Variants in MYO1B observed in about 807,000 individuals in gnomAD.
MYO1B encodes the protein myosin IB.
Under a neutral mutation model 159.7 loss-of-function variants are expected in MYO1B, and 72 were observed. The ratio of observed to expected loss-of-function variants is 0.45; its 90% confidence interval spans 0.37 to 0.55. The LOEUF is 0.55. MYO1B is among the 20% of genes least tolerant of loss of function. The pLI is 0.00. For missense variants in MYO1B, 1,062 were observed against 1,364.8 expected, an observed-to-expected ratio of 0.78 and a Z score of 3.50; for synonymous variants, 468 against 473.8, an observed-to-expected ratio of 0.99 and a Z score of 0.16.
chr2:191,389,472 G>A (rs1018194689), intron 17 of MYO1B, among the ~76,000 whole-genome samples: 4 of 152,178 alleles, frequency 2.6e-5, no homozygotes, highest in African/African-American at 9.7e-5. Context: ...CGTGTTCCTC[G>A]TCTGCATGGA....
chr2:191,324,979 C>T (rs909981467), intron 3 of MYO1B, among the ~76,000 whole-genome samples: 6 of 152,090 alleles, frequency 3.9e-5, no homozygotes, highest in Non-Finnish European at 8.8e-5. Flanking sequence ...GGAAGGCCAA[C>T]GTAGTGCCTC....
chr2:191,414,698 T>A, intron 29 of MYO1B, 29 bp downstream of exon 29: 2 of 1,585,442 alleles, frequency 1.3e-6, no homozygotes, highest in Admixed American at 3.7e-5. Context: ...ATTTCTGTGC[T>A]TAATCTCTCA....
intron 4 of MYO1B, among the ~76,000 whole-genome samples, chr2:191,340,641 A>G (rs1202896053): frequency 1.3e-5 from 2 of 152,160 alleles, no homozygotes; most frequent in African/African-American, 4.8e-5. Flanking sequence ...TTTGTTATTA[A>G]ATCCTTACAT....
chr2:191,343,328 G>A (rs542645263), intron 5 of MYO1B, among the ~76,000 whole-genome samples: 3 of 152,236 alleles, frequency 2.0e-5, no homozygotes, highest in South Asian at 2.1e-4. Context: ...CCCTGTTGTC[G>A]TTTGTACTCA....
Position 191,276,971 on chromosome 2 carries a change from C to G in MYO1B, c.76C>G (p.Leu26Val), listed in dbSNP as rs1234104290. The change falls in exon 2 of 31, where the codon CTC becomes GTC. Residue 26 changes from leucine to valine, a missense_variant. Around this residue, in one of 5 missense-constraint regions of MYO1B, gnomAD observed 415 missense variants for 544.0 expected, o/e 0.76. Transcript: ENST00000392318. ...TGGGGATATGGTTCTTTTAGAACCT[C>G]TCAATGAGGAGACCTTCATCAACAA... is the stretch of plus-strand genomic sequence containing the variant. ...GVGDMVLLEP[L>V]NEETFINNLK... 6.2e-7 allele frequency: 1 copy of G among 1,614,018 alleles called. No homozygotes were observed. Among genetic ancestry groups the G allele is most frequent in the South Asian group, 1.1e-5 (1 of 91,046 alleles).
At chr2:191,303,479 T>A (rs1689459219) in intron 3 of MYO1B, among the ~76,000 whole-genome samples, 1 of 152,214 alleles carries the variant, frequency 6.6e-6, no homozygotes. Context: ...TCTTTTTATT[T>A]ATTACTGTAG....
At position 191,424,232 on chromosome 2, in the gene MYO1B, T is replaced by G; in HGVS notation, c.*272T>G. The G allele has an allele frequency of 2.5e-6, 1 of 407,314 alleles. No individual in the cohort carries two copies. Among genetic ancestry groups the G allele is most frequent in the Non-Finnish European group, 4.4e-6 (1 of 228,146 alleles). The allele number at this position is 407,314 out of a possible 1,614,324, so 25.2% of individuals were successfully genotyped here. On this transcript the variant is annotated 3_prime_UTR_variant, in exon 31 of 31. Transcript: ENST00000392318. ...CTTTAGTCATCATGTTAGGTCTGTG[T>G]ACCCTAAATCAGCATATTACTCATA...
At position 191,296,159 on chromosome 2, in the gene MYO1B, C is replaced by T. The variant is rs756287391; in HGVS notation, c.184C>T (p.Pro62Ser). The T allele has an allele frequency of 5.0e-6, 8 of 1,609,956 alleles. No homozygotes were observed. The Admixed American group carries it at 1.0e-4, about 20-fold the overall frequency. ...ATCTGTTAACCCATACCGGTCTTTA[C>T]CCATTTATTCACCAGAGAAAGTGGA... ...VISVNPYRSL[P>S]IYSPEKVEEY... Residue 62 changes from proline (P) to serine (S), a missense_variant, in exon 3 of 31, where the codon CCC becomes TCC. Pro to Ser is a moderately conservative substitution (Grantham distance 74). Transcript: ENST00000392318.
chr2:191,408,993 T>A, intron 25 of MYO1B, 51 bp from the exon 26 acceptor site: 1 of 1,551,728 alleles, frequency 6.4e-7, no homozygotes, highest in South Asian at 1.2e-5. Context: ...TAAAACAGTG[T>A]CTTTTGTGGT....
chr2:191,372,720 T>C (rs950668937), intron 13 of MYO1B, among the ~76,000 whole-genome samples: 2 of 152,108 alleles, frequency 1.3e-5, no homozygotes, highest in African/African-American at 4.8e-5. Flanking sequence ...CCCTATACCC[T>C]TCAGCAATCC....
At chr2:191,392,587 A>C (rs888925623) in intron 19 of MYO1B, among the ~76,000 whole-genome samples, 1 of 152,094 alleles carries the variant, frequency 6.6e-6, no homozygotes, top group Non-Finnish European at 1.5e-5. Context: ...TAAAATGAAA[A>C]TTTTTTTTAA....
Position 191,344,889 on chromosome 2 carries a change from T to C in MYO1B, c.452-1347T>C, listed in dbSNP as rs142779126. 1.4e-4 allele frequency among the ~76,000 whole-genome samples: 20 copies of C among 142,122 alleles called. No homozygotes were observed. In the East Asian group the frequency reaches 4.2e-3, roughly 30 times the overall value. 93.2% of individuals were successfully genotyped at this position (142,122 alleles called of 152,430 possible). On this transcript the variant is annotated intron_variant, in intron 5 of 30. Coordinates refer to ENST00000392318, the MANE Select transcript of MYO1B (RefSeq NM_001130158.3). ...CGAAAAAGCCACTCCACACAAAATATAATGCATCAAGTGTGGCTGCTGAAT... is the reference window on the plus strand; with the variant it reads ...CGAAAAAGCCACTCCACACAAAATACAATGCATCAAGTGTGGCTGCTGAAT...
At chr2:191,407,511 A>G (rs1468395992) in intron 24 of MYO1B, 2 of 152,238 alleles carry the variant, frequency 1.3e-5, no homozygotes, top group Non-Finnish European at 2.9e-5. Context: ...CAATGTAGCA[A>G]GGAAAAAATG....
chr2:191,265,764 G>C (rs1017671901), intron 1 of MYO1B, among the ~76,000 whole-genome samples: 1 of 152,224 alleles, frequency 6.6e-6, no homozygotes, highest in Admixed American at 6.5e-5. Context: ...GTACAGCTGA[G>C]TTTGTGTTTC....
chr2:191,247,827 C>T (rs948491867), intron 1 of MYO1B: 10 of 599,546 alleles, frequency 1.7e-5, no homozygotes, highest in South Asian at 1.5e-4. Flanking sequence ...TGGTCTCTGG[C>T]CTCTGGCCGT....
Position 191,387,085 on chromosome 2 carries a change from G to C in MYO1B, c.1555-139G>C, listed in dbSNP as rs564686504. 1.5e-3 allele frequency: 1,164 copies of C among 756,250 alleles called. 19 individuals carry two copies. In the South Asian group the frequency reaches 0.021, roughly 14 times the overall value. 46.8% of individuals were successfully genotyped at this position (756,250 alleles called of 1,614,324 possible). ...AAACTTGGAGGCGAACTCATTATGA[G>C]AGTGTGACTAACATGTCAGGGATTT... On this transcript the variant is annotated intron_variant, in intron 16 of 30. Transcript: ENST00000392318.
chr2:191,375,276 A>G (rs1380794732), intron 13 of MYO1B, among the ~76,000 whole-genome samples: 1 of 152,224 alleles, frequency 6.6e-6, no homozygotes, highest in Non-Finnish European at 1.5e-5. Flanking sequence ...GTAGTCTGGT[A>G]GGTACACCTC....
intron 6 of MYO1B, 64 bp from the exon 7 acceptor site, chr2:191,350,082 TAGTCTGCTGTTCTCTA>T: frequency 9.1e-7 from 1 of 1,102,196 alleles, no homozygotes; most frequent in Non-Finnish European, 1.4e-6. Context: ...AATAAGGGCT[TAGTCTGCTGTTCTCTA>T]AGAAGTACAC....
chr2:191,329,693 A>G (rs986230582), intron 3 of MYO1B, among the ~76,000 whole-genome samples: 2 of 149,748 alleles, frequency 1.3e-5, no homozygotes, highest in Non-Finnish European at 3.0e-5. Context: ...AATAAAGCAT[A>G]TCATTAGAGT....
Sources: gnomAD v4.1 joint callset for allele counts (sites outside exome capture counted in the v4.1 genomes callset) on GRCh38, gnomAD v4.1.1 for gene constraint, gnomAD v4.1.1 regional missense constraint, MANE v1.5 for transcripts, NCBI Gene and HGNC (gene_info 2026-07-23, HGNC 2026-07-21) for gene names.